The following LDLRAD3 variants were observed in gnomAD, a reference collection of about 807,000 sequenced individuals.
LDLRAD3 encodes low-density lipoprotein receptor class A domain-containing protein 3.
LDLRAD3 carries 20 observed loss-of-function variants against 29.4 expected under a neutral mutation model. That is an observed-to-expected ratio of 0.68 (90% confidence interval 0.48 to 0.99). The LOEUF (loss-of-function observed/expected upper bound fraction) is 0.99. Ranked by LOEUF, LDLRAD3 falls within the 50% of genes least tolerant of loss-of-function variation. The probability of loss-of-function intolerance (pLI) is 0.00; values close to 1 mark genes in which losing one functional copy is unlikely to be tolerated. For missense variants in LDLRAD3, 420 were observed against 454.3 expected, an observed-to-expected ratio of 0.92 and a Z score of 0.69; for synonymous variants, 157 against 192.7, an observed-to-expected ratio of 0.81 and a Z score of 1.53.
At chr11:36,201,862 A>G (rs1189216705) in intron 4 of LDLRAD3, among the ~76,000 whole-genome samples, 2 of 152,184 alleles carry the variant, frequency 1.3e-5, no homozygotes, top group Non-Finnish European at 2.9e-5. Context: ...TTTAATTTTC[A>G]GATTTCTAGC....
chr11:36,183,631 G>A (rs183129624), intron 4 of LDLRAD3, among the ~76,000 whole-genome samples: 1 of 152,084 alleles, frequency 6.6e-6, no homozygotes, highest in African/African-American at 2.4e-5. Flanking sequence ...CATGTTCCTG[G>A]GACTCAACCT....
chr11:36,155,724 G>A (rs1358487043), intron 4 of LDLRAD3, among the ~76,000 whole-genome samples: 1 of 152,194 alleles, frequency 6.6e-6, no homozygotes, highest in Non-Finnish European at 1.5e-5. Context: ...ATACAGCAGG[G>A]GCCTCTTGTT....
intron 4 of LDLRAD3, among the ~76,000 whole-genome samples, chr11:36,214,428 C>T (rs895188443): frequency 5.3e-5 from 8 of 152,158 alleles, no homozygotes; most frequent in African/African-American, 1.7e-4. Context: ...CTAGATGATT[C>T]TGGGAAAGGG....
intron 4 of LDLRAD3, among the ~76,000 whole-genome samples, chr11:36,134,021 G>C (rs183567016): frequency 5.3e-5 from 8 of 151,972 alleles, no homozygotes; most frequent in Admixed American, 3.9e-4. Flanking sequence ...ACACATGCAT[G>C]CATAGCGACC....
rs1360909317 is a variant in LDLRAD3, at chr11:36,081,769, G to C, written c.310G>C (p.Glu104Gln). Residue 104 changes from glutamate (E) to glutamine (Q), a missense_variant, in exon 3 of 6, where the codon GAG becomes CAG. Physicochemically the swap from Glu to Gln is conservative, Grantham distance 29. Coordinates refer to ENST00000315571, the MANE Select transcript of LDLRAD3 (RefSeq NM_174902.4). Reference sequence around the variant, plus strand: ...GGACTGTCCCGATGGCAGCGATGAAGAGAACTGCAGTAAGTGCTGCGCACT... The same window carrying C: ...GGACTGTCCCGATGGCAGCGATGAACAGAACTGCAGTAAGTGCTGCGCACT... Reference protein sequence around the residue: ...FEDCPDGSDEENCTANPLLCS... With the variant: ...FEDCPDGSDEQNCTANPLLCS... 3 of 1,614,122 alleles carry C rather than the reference G, an allele frequency of 1.9e-6. No individual in the cohort carries two copies. Among genetic ancestry groups the C allele is most frequent in the Non-Finnish European group, 2.5e-6 (3 of 1,180,046 alleles).
chr11:36,189,834 T>A (rs759505050), intron 4 of LDLRAD3, among the ~76,000 whole-genome samples: 1 of 152,090 alleles, frequency 6.6e-6, no homozygotes, highest in Admixed American at 6.6e-5. Context: ...TGGTGTTTGG[T>A]TTTTTGTTCT....
chr11:36,083,373 G>T (rs1005325111), intron 3 of LDLRAD3, among the ~76,000 whole-genome samples: 1 of 151,854 alleles, frequency 6.6e-6, no homozygotes, highest in African/African-American at 2.4e-5. Context: ...TCTCATTATT[G>T]TAAAGAACTT....
intron 4 of LDLRAD3, among the ~76,000 whole-genome samples, chr11:36,162,802 A>G (rs999094229): frequency 1.3e-5 from 2 of 152,196 alleles, no homozygotes; most frequent in Non-Finnish European, 2.9e-5. Flanking sequence ...TGGAGTCTCC[A>G]TTTTTAAAAT....
At chr11:35,993,213 A>T (rs1424398204) in intron 1 of LDLRAD3, among the ~76,000 whole-genome samples, 1 of 152,304 alleles carries the variant, frequency 6.6e-6, no homozygotes, top group South Asian at 2.1e-4. Flanking sequence ...AAAACAAGTT[A>T]AAAGATTGAG....
chr11:36,042,062 A>G (rs1017301053), intron 2 of LDLRAD3, among the ~76,000 whole-genome samples: 2 of 152,200 alleles, frequency 1.3e-5, no homozygotes, highest in African/African-American at 4.8e-5. Context: ...GCATAAATCC[A>G]TGAGATAGGG....
At chr11:36,104,660 C>T (rs1017643105) in intron 4 of LDLRAD3, among the ~76,000 whole-genome samples, 2 of 152,162 alleles carry the variant, frequency 1.3e-5, no homozygotes, top group African/African-American at 2.4e-5. Context: ...CTCACAGATT[C>T]CCTCTGAGAG....
At chr11:36,019,390 G>A (rs1429080542) in intron 1 of LDLRAD3, among the ~76,000 whole-genome samples, 1 of 152,176 alleles carries the variant, frequency 6.6e-6, no homozygotes, top group Non-Finnish European at 1.5e-5. Context: ...TCTTTATTCT[G>A]CTGGCATTTC....
chr11:36,015,598 G>C (rs1346122058), intron 1 of LDLRAD3, among the ~76,000 whole-genome samples: 1 of 152,006 alleles, frequency 6.6e-6, no homozygotes, highest in Non-Finnish European at 1.5e-5. Flanking sequence ...CCAGGGCTTA[G>C]CTCAAGAAGT....
chr11:36,033,505 A>C (rs1262379030), intron 1 of LDLRAD3, among the ~76,000 whole-genome samples: 1 of 152,244 alleles, frequency 6.6e-6, no homozygotes, highest in Non-Finnish European at 1.5e-5. Flanking sequence ...TATCAGAACA[A>C]GATTTCACAG....
chr11:36,073,901 C>T (rs931491536), intron 2 of LDLRAD3, among the ~76,000 whole-genome samples: 1 of 152,252 alleles, frequency 6.6e-6, no homozygotes, highest in Admixed American at 6.5e-5. Context: ...GGCAGAGCAG[C>T]TGTGCCATGG....
rs188834582 is a variant in LDLRAD3 at position 36,028,144 on chromosome 11, C to T, written c.47-7959C>T. ...TCACCCCAATCTCATTTATCCATTGCATATTGCGTGGCAGATTATAAATGG... is the reference window on the plus strand; with the variant it reads ...TCACCCCAATCTCATTTATCCATTGTATATTGCGTGGCAGATTATAAATGG... On this transcript the variant is annotated intron_variant, in intron 1 of 5. Coordinates refer to ENST00000315571, the MANE Select transcript of LDLRAD3 (RefSeq NM_174902.4). Among the ~76,000 whole-genome samples the T allele has an allele frequency of 1.6e-4, 25 of 152,336 alleles. No homozygotes were observed. In the East Asian group the frequency reaches 4.4e-3, roughly 27 times the overall value.
At position 35,956,781 on chromosome 11, in the gene LDLRAD3, G is replaced by A. The variant is rs542128515; in HGVS notation, c.46+12637G>A. Reference sequence around the variant, plus strand: ...AGACGGAGTCTTGCTCTGTTTCCCAGGCTGGGTGCAGTGGTGCAATCTCGG... The same window carrying A: ...AGACGGAGTCTTGCTCTGTTTCCCAAGCTGGGTGCAGTGGTGCAATCTCGG... On this transcript the variant is annotated intron_variant, in intron 1 of 5. Transcript: ENST00000315571. Among the ~76,000 whole-genome samples, 7 of 152,164 alleles carry A rather than the reference G, an allele frequency of 4.6e-5. No homozygotes were observed. The South Asian group carries it at 1.0e-3, about 23-fold the overall frequency.
chr11:36,005,869 G>A (rs577104755), intron 1 of LDLRAD3, among the ~76,000 whole-genome samples: 89 of 152,260 alleles, frequency 5.8e-4, no homozygotes, highest in African/African-American at 2.1e-3. Context: ...GAGAGAGAGA[G>A]CGCGAAGGGG....
intron 1 of LDLRAD3, among the ~76,000 whole-genome samples, chr11:35,972,206 A>C (rs762774675): frequency 6.6e-6 from 1 of 151,974 alleles, no homozygotes; most frequent in Non-Finnish European, 1.5e-5. Context: ...ACCAGATCTT[A>C]AGGGAAGGCA....
Sources: gnomAD v4.1 joint callset for allele counts (sites outside exome capture counted in the v4.1 genomes callset) on GRCh38, gnomAD v4.1.1 for gene constraint, MANE v1.5 for transcripts, NCBI Gene and HGNC (gene_info 2026-07-23, HGNC 2026-07-21) for gene names.